IL1R1: variants seen among roughly 807,000 people sequenced by gnomAD.
IL1R1 encodes interleukin 1 receptor type 1.
A neutral mutation model predicts 50.2 loss-of-function variants in IL1R1; 22 were observed. The observed-to-expected ratio is 0.44, with a 90% CI of 0.31 to 0.63. The LOEUF is 0.63. Among genes scored for constraint, IL1R1 ranks in the 20% least tolerant of loss-of-function variants. IL1R1 has a pLI of 0.07. For synonymous variants in IL1R1, 251 were observed against 236.7 expected (o/e 1.06, Z -0.55); for missense variants, 509 against 676.2 (o/e 0.75, Z 2.74).
In IL1R1 at chr2:102,135,738, T is replaced by C. The variant is rs187608966; in HGVS notation, c.-83-18203T>C. 3.3e-5 allele frequency among the ~76,000 whole-genome samples: 5 copies of C among 152,322 alleles called. No homozygotes were observed. The East Asian group carries it at 5.8e-4, about 18-fold the overall frequency. ...TAGAGTCCCTGAATTATCTAAACCT[T>C]AAGCAGCTATGTCCAATGAACATTT... On this transcript the variant is annotated intron_variant, in intron 1 of 10. Coordinates refer to the IL1R1 transcript ENST00000409329.
At chr2:102,090,501 T>C (rs535839242) in intron 1 of IL1R1, among the ~76,000 whole-genome samples, 5 of 152,280 alleles carry the variant, frequency 3.3e-5, no homozygotes, top group African/African-American at 1.2e-4. Flanking sequence ...TTTATTATTT[T>C]TCTCTCTATG....
At chr2:102,070,949 T>C (rs1678689205) in intron 1 of IL1R1, among the ~76,000 whole-genome samples, 1 of 152,212 alleles carries the variant, frequency 6.6e-6, no homozygotes, top group South Asian at 2.1e-4. Flanking sequence ...TTTTTACTTC[T>C]AGAGATTAAG....
At chr2:102,120,863 T>A (rs377439769) in intron 1 of IL1R1, among the ~76,000 whole-genome samples, 1 of 152,118 alleles carries the variant, frequency 6.6e-6, no homozygotes. Flanking sequence ...CAATAAAAAA[T>A]TGGTTTAATG....
upstream of IL1R1, among the ~76,000 whole-genome samples, chr2:102,104,131 G>A (rs539956721): frequency 6.6e-6 from 1 of 152,278 alleles, no homozygotes; most frequent in Admixed American, 6.5e-5. Context: ...CACCTCCAGG[G>A]TGTGGTGAAG....
chr2:102,094,676 A>T (rs953510743), intron 1 of IL1R1, among the ~76,000 whole-genome samples: 1 of 152,228 alleles, frequency 6.6e-6, no homozygotes, highest in Non-Finnish European at 1.5e-5. Flanking sequence ...CTCTTATATC[A>T]AAACCTATTA....
chr2:102,145,523 A>G (rs1010527003), intron 1 of IL1R1, among the ~76,000 whole-genome samples: 3 of 152,210 alleles, frequency 2.0e-5, no homozygotes, highest in Non-Finnish European at 2.9e-5. Flanking sequence ...GAGCTCACAC[A>G]TGGCGGCACG....
chr2:102,122,509 T>C (rs1338634659), intron 1 of IL1R1, among the ~76,000 whole-genome samples: 2 of 152,096 alleles, frequency 1.3e-5, no homozygotes, highest in African/African-American at 4.8e-5. Context: ...AAAAAAACAG[T>C]TTACTAACAG....
Position 102,177,225 on chromosome 2 carries a change from C to A in IL1R1, c.*466C>A. On this transcript the variant is annotated 3_prime_UTR_variant, in exon 12 of 12. Coordinates refer to ENST00000410023, the MANE Select transcript of IL1R1 (RefSeq NM_000877.4). ...AGGTTGCAGTGAGCCGAGTTTGGGC[C>A]ACTGCACTCTAGCCTGGCAACAGAG... 5.7e-6 allele frequency: 1 copy of A among 176,540 alleles called. No individual in the cohort carries two copies. Among genetic ancestry groups the A allele is most frequent in the Non-Finnish European group, 1.2e-5 (1 of 80,930 alleles). 10.9% of individuals were successfully genotyped at this position (176,540 alleles called of 1,614,324 possible).
At chr2:102,172,517 A>T (rs1685778871) in intron 8 of IL1R1, 170 bp from the exon 9 acceptor site, 1 of 1,136,816 alleles carries the variant, frequency 8.8e-7, no homozygotes, top group African/African-American at 1.6e-5. Flanking sequence ...GGGGTTATAA[A>T]ATCTCAGATT....
Position 102,176,552 on chromosome 2 carries a change from A to G in IL1R1, c.1503A>G (p.Glu501=). ...EKIQDYEKMP[E]SIKFIKQKHG... is the part of the protein sequence containing the mutation. The stretch of plus-strand genomic sequence containing the variant: ...TCCAAGACTATGAGAAAATGCCAGA[A>G]TCGATTAAATTCATTAAGCAGAAAC... Residue 501 remains glutamate (E), a synonymous_variant, in exon 12 of 12, where the codon GAA becomes GAG. Transcript: ENST00000410023. 6.2e-7 allele frequency: 1 copy of G among 1,614,204 alleles called. No homozygotes were observed. Among genetic ancestry groups the G allele is most frequent in the Non-Finnish European group, 8.5e-7 (1 of 1,180,028 alleles).
chr2:102,091,329 C>T lies in IL1R1; in HGVS notation c.-84+20796C>T, dbSNP rs138227028. Among the ~76,000 whole-genome samples the T allele has an allele frequency of 2.3e-3, 347 of 152,212 alleles. 1 individual carries two copies. The highest frequency in any genetic ancestry group is 3.7e-3 in the Non-Finnish European group (249 of 68,000). On this transcript the variant is annotated intron_variant, in intron 1 of 11. Coordinates refer to the IL1R1 transcript ENST00000409929. ...TGTATGTACTTGACAAACATTGCCT[C>T]TTTATGGTTCACAGTAGTTTCTAAA...
At chr2:102,090,106 T>C (rs182280160) in intron 1 of IL1R1, among the ~76,000 whole-genome samples, 53 of 152,114 alleles carry the variant, frequency 3.5e-4, no homozygotes, top group Admixed American at 9.2e-4. Flanking sequence ...AGGGCTAGGA[T>C]TACAGGCATG....
chr2:102,105,642 G>C (rs2104348607), intron 1 of IL1R1, among the ~76,000 whole-genome samples: 1 of 152,330 alleles, frequency 6.6e-6, no homozygotes, highest in South Asian at 2.1e-4. Flanking sequence ...GGGATTACAG[G>C]CATGAGCCAC....
chr2:102,079,941 A>G lies in IL1R1; in HGVS notation c.-84+9408A>G, dbSNP rs144270152. On this transcript the variant is annotated intron_variant, in intron 1 of 11. Coordinates refer to the IL1R1 transcript ENST00000409929. ...AATTCAGAAATATGCCCTTACGTTT[A>G]TGGTCAATTGGTTCCAAGAAAGATG... 2.2e-3 allele frequency among the ~76,000 whole-genome samples: 335 copies of G among 152,284 alleles called. 1 individual carries two copies. The highest frequency in any genetic ancestry group is 7.5e-3 in the African/African-American group (310 of 41,576).
intron 1 of IL1R1, among the ~76,000 whole-genome samples, chr2:102,070,999 G>C (rs906475268): frequency 1.3e-5 from 2 of 151,716 alleles, no homozygotes; most frequent in African/African-American, 4.8e-5. Flanking sequence ...CTGTCAAAAA[G>C]GATTAAAAGT....
At chr2:102,120,231 G>A (rs573560867) in intron 1 of IL1R1, among the ~76,000 whole-genome samples, 1 of 152,230 alleles carries the variant, frequency 6.6e-6, no homozygotes, top group East Asian at 1.9e-4. Context: ...GTGTTCATGT[G>A]TAGTTTCATG....
In IL1R1 at chr2:102,071,293, A is replaced by T. The variant is rs140900254; in HGVS notation, c.-84+760A>T. Among the ~76,000 whole-genome samples, 89 of 152,270 alleles carry T rather than the reference A, an allele frequency of 5.8e-4. No homozygotes were observed. In the East Asian group the frequency reaches 0.016, roughly 27 times the overall value. On this transcript the variant is annotated intron_variant, in intron 1 of 11. Coordinates refer to the IL1R1 transcript ENST00000409929. ...AATTTATATCTCTATCTGTAGCTCA[A>T]TTTGCCTTTTTAACTAAATAGGGTG...
upstream of IL1R1, chr2:102,142,507 G>A (rs113898864): frequency 0.063 from 9,634 of 152,196 alleles, 406 homozygotes; most frequent in Non-Finnish European, 0.085. Context: ...TGGAGGAGCC[G>A]GGCCGCGACT....
intron 8 of IL1R1, 113 bp downstream of exon 8, chr2:102,172,031 C>CT (rs35265416): frequency 0.058 from 5,100 of 88,628 alleles, 318 homozygotes; most frequent in African/African-American, 0.068. Context: ...CCTTTGCTGC[C>CT]TTTTTTTTTT....
Sources: allele counts gnomAD v4.1 joint callset (sites outside exome capture counted in the v4.1 genomes callset), GRCh38; gene constraint gnomAD v4.1.1; transcripts MANE v1.5; gene names NCBI Gene and HGNC (gene_info 2026-07-23, HGNC 2026-07-21).